Variants in ITPR2 observed in about 807,000 individuals in gnomAD.
The protein encoded by ITPR2 is inositol 1,4,5-trisphosphate-gated calcium channel ITPR2.
ITPR2 carries 207 observed loss-of-function variants against 317.1 expected under a neutral mutation model. The ratio of observed to expected loss-of-function variants is 0.65; its 90% CI spans 0.58 to 0.73. The LOEUF (loss-of-function observed/expected upper bound fraction) is 0.73, where lower values mean the gene tolerates loss of function less well. Among genes scored for constraint, ITPR2 ranks in the 30% least tolerant of loss-of-function variants. The pLI, the probability that ITPR2 is intolerant of heterozygous loss-of-function variation, is 0.00. For missense variants in ITPR2, 2,613 were observed against 3,284.0 expected, an observed-to-expected ratio of 0.80 and a Z score of 4.99; for synonymous variants, 1,156 against 1,149.1, an observed-to-expected ratio of 1.01 and a Z score of -0.12.
intron 42 of ITPR2, among the ~76,000 whole-genome samples, chr12:26,481,765 G>A (rs1403143435): frequency 6.6e-6 from 1 of 152,206 alleles, no homozygotes; most frequent in Admixed American, 6.5e-5. Flanking sequence ...AGGTGGAAGT[G>A]AAGACAAGTA....
intron 28 of ITPR2, among the ~76,000 whole-genome samples, chr12:26,600,758 G>T: frequency 6.6e-6 from 1 of 150,396 alleles, no homozygotes. Context: ...CTCCTGCTCT[G>T]CTCTCACTCT....
At chr12:26,497,155 CTTTT>C (rs573079284) in intron 37 of ITPR2, among the ~76,000 whole-genome samples, 1 of 134,400 alleles carries the variant, frequency 7.4e-6, no homozygotes, top group Admixed American at 7.4e-5. Flanking sequence ...ATTTCTCTCT[CTTTT>C]TTTTTTTTTT....
intron 55 of ITPR2, among the ~76,000 whole-genome samples, chr12:26,365,041 A>G (rs1250336772): frequency 6.6e-6 from 1 of 152,226 alleles, no homozygotes; most frequent in Non-Finnish European, 1.5e-5. Context: ...ATAATCAGGG[A>G]ATAACGATAA....
intron 11 of ITPR2, among the ~76,000 whole-genome samples, chr12:26,685,560 G>A (rs531133098): frequency 2.0e-5 from 3 of 152,266 alleles, no homozygotes; most frequent in Non-Finnish European, 2.9e-5. Flanking sequence ...TTGTGCCTCT[G>A]CACTACACCC....
intron 2 of ITPR2, among the ~76,000 whole-genome samples, chr12:26,741,892 T>C (rs1949235642): frequency 6.6e-6 from 1 of 152,206 alleles, no homozygotes; most frequent in Non-Finnish European, 1.5e-5. Flanking sequence ...AAACTCTGCT[T>C]TGTTAAACAA....
At chr12:26,594,177 G>C (rs1452760628) in intron 32 of ITPR2, among the ~76,000 whole-genome samples, 3 of 152,156 alleles carry the variant, frequency 2.0e-5, no homozygotes, top group Non-Finnish European at 4.4e-5. Flanking sequence ...ATATTTACCT[G>C]AGATAGGCAA....
chr12:26,755,731 G>A (rs1011200397), intron 2 of ITPR2, among the ~76,000 whole-genome samples: 4 of 152,214 alleles, frequency 2.6e-5, no homozygotes, highest in Admixed American at 6.5e-5. Context: ...TTATTTTACC[G>A]AGGCTTTGAC....
intron 47 of ITPR2, among the ~76,000 whole-genome samples, chr12:26,437,022 A>C (rs1336638499): frequency 6.6e-6 from 1 of 152,222 alleles, no homozygotes; most frequent in Non-Finnish European, 1.5e-5. Flanking sequence ...TCAACAAAGG[A>C]CTCTGTGTCT....
chr12:26,426,109 C>CA (rs1941053579), intron 49 of ITPR2, among the ~76,000 whole-genome samples: 1 of 152,070 alleles, frequency 6.6e-6, no homozygotes, highest in Non-Finnish European at 1.5e-5. Context: ...TTTTTAGTGT[C>CA]TATTATATAA....
chr12:26,747,012 T>C (rs1182586915), intron 2 of ITPR2, among the ~76,000 whole-genome samples: 1 of 152,160 alleles, frequency 6.6e-6, no homozygotes, highest in Non-Finnish European at 1.5e-5. Context: ...TAACTCCAAA[T>C]TGAGCAATTG....
rs1254534640 is a variant in ITPR2 at position 26,415,307 on chromosome 12, A to C, written c.7302T>G (p.Val2434=). 1.3e-6 allele frequency: 2 copies of C among 1,599,846 alleles called. No individual in the cohort carries two copies. The highest frequency in any genetic ancestry group is 4.5e-5 in the East Asian group (2 of 44,464). ...EVDRLKNRTP[V]TGSHQVPTMT... The stretch of plus-strand genomic sequence containing the variant: ...ATTTAGTGGTAATAGCAATACCTGT[A>C]ACAGGAGTTCGGTTTTTCAGCCTAT... Residue 2434 remains valine (V), a synonymous_variant, in exon 51 of 57, where the codon GTT becomes GTG. Transcript: ENST00000381340.
At chr12:26,707,855 T>G (rs567204309) in intron 9 of ITPR2, among the ~76,000 whole-genome samples, 54 of 151,608 alleles carry the variant, frequency 3.6e-4, no homozygotes, top group African/African-American at 1.1e-3. Flanking sequence ...TGACAAGAGA[T>G]TAATAACCAG....
At chr12:26,453,464 G>A (rs553298096) in intron 45 of ITPR2, among the ~76,000 whole-genome samples, 1 of 152,086 alleles carries the variant, frequency 6.6e-6, no homozygotes, top group Non-Finnish European at 1.5e-5. Context: ...TGTGTAGTGG[G>A]GTTATCTAAA....
chr12:26,526,750 G>C (rs1444944654), intron 37 of ITPR2, among the ~76,000 whole-genome samples: 1 of 152,198 alleles, frequency 6.6e-6, no homozygotes, highest in Non-Finnish European at 1.5e-5. Context: ...AGACAAGGGG[G>C]TGGCAGGGCA....
At chr12:26,504,842 A>G (rs1943150228) in intron 37 of ITPR2, among the ~76,000 whole-genome samples, 1 of 152,228 alleles carries the variant, frequency 6.6e-6, no homozygotes, top group African/African-American at 2.4e-5. Context: ...AAATTGACAA[A>G]TAAATTATAG....
Position 26,372,476 on chromosome 12 carries a change from A to C in ITPR2, c.7857+14958T>G, listed in dbSNP as rs376334259. ...GGGATGTTTACGCATTTTACAGATG[A>C]AGATACTGAGGTACAGGGAGGTTAA... On this transcript the variant is annotated intron_variant, in intron 55 of 56. Coordinates refer to ENST00000381340, the MANE Select transcript of ITPR2 (RefSeq NM_002223.4). Among the ~76,000 whole-genome samples the C allele has an allele frequency of 4.6e-5, 7 of 152,342 alleles. No individual in the cohort carries two copies. The South Asian group carries it at 1.4e-3, about 32-fold the overall frequency.
chr12:26,670,219 A>T (rs888037110), intron 13 of ITPR2, among the ~76,000 whole-genome samples: 6 of 152,214 alleles, frequency 3.9e-5, no homozygotes, highest in African/African-American at 1.4e-4. Flanking sequence ...ATGCAGCTGG[A>T]GATCTGAGAA....
At chr12:26,712,636 C>T (rs576980393) in intron 8 of ITPR2, among the ~76,000 whole-genome samples, 1 of 4,564 alleles carries the variant, frequency 2.2e-4, no homozygotes, top group African/African-American at 9.1e-3. Context: ...GTCTCAAATA[C>T]ACACACACAC....
chr12:26,385,946 C>A (rs1229642213), intron 55 of ITPR2, among the ~76,000 whole-genome samples: 1 of 152,056 alleles, frequency 6.6e-6, no homozygotes, highest in Non-Finnish European at 1.5e-5. Flanking sequence ...TTACTAAGCT[C>A]TATGTTCCTT....
Sources: gnomAD v4.1 joint callset for allele counts (sites outside exome capture counted in the v4.1 genomes callset) on GRCh38, gnomAD v4.1.1 for gene constraint, MANE v1.5 for transcripts, NCBI Gene and HGNC (gene_info 2026-07-23, HGNC 2026-07-21) for gene names.